PSPC1: variants seen among roughly 807,000 people sequenced by gnomAD.
The protein encoded by PSPC1 is paraspeckle protein 1.
PSPC1 carries 14 observed loss-of-function variants against 51.6 expected under a neutral mutation model. The observed-to-expected ratio is 0.27, with a 90% CI of 0.18 to 0.42. The LOEUF (loss-of-function observed/expected upper bound fraction) is 0.42. Among genes scored for constraint, PSPC1 ranks in the 10% least tolerant of loss-of-function variants. The pLI is 1.00. For synonymous variants in PSPC1, 193 were observed against 231.9 expected (o/e 0.83, Z 1.53); for missense variants, 406 against 701.1 (o/e 0.58, Z 4.75).
chr13:19,698,256 T>C (rs546407204), downstream of PSPC1, among the ~76,000 whole-genome samples: 14 of 151,770 alleles, frequency 9.2e-5, no homozygotes, highest in African/African-American at 3.4e-4. Context: ...CTTGGTGTAA[T>C]AAAGAGCTAG....
chr13:19,724,806 C>G (rs1457796120), intron 6 of PSPC1, among the ~76,000 whole-genome samples: 1 of 152,128 alleles, frequency 6.6e-6, no homozygotes, highest in Non-Finnish European at 1.5e-5. Context: ...CGAGACCATC[C>G]TGGCCAACAT....
intron 1 of PSPC1, among the ~76,000 whole-genome samples, chr13:19,773,185 T>C (rs1458224615): frequency 6.6e-6 from 1 of 150,842 alleles, no homozygotes; most frequent in Non-Finnish European, 1.5e-5. Flanking sequence ...AAAAAAACAA[T>C]AATAACTTGA....
At chr13:19,718,099 T>C (rs1187092005) in intron 6 of PSPC1, among the ~76,000 whole-genome samples, 2 of 152,182 alleles carry the variant, frequency 1.3e-5, no homozygotes, top group Admixed American at 6.5e-5. Context: ...TTTCTATTGA[T>C]ACAACTCAAT....
At chr13:19,702,163 A>C (rs1879985223), downstream of PSPC1, among the ~76,000 whole-genome samples, 1 of 152,226 alleles carries the variant, frequency 6.6e-6, no homozygotes, top group African/African-American at 2.4e-5. Flanking sequence ...AACCACTGCC[A>C]TTCCTTGGAG....
chr13:19,699,877 A>G (rs1296501818), downstream of PSPC1, among the ~76,000 whole-genome samples: 1 of 152,058 alleles, frequency 6.6e-6, no homozygotes, highest in East Asian at 1.9e-4. Context: ...CCTCAGAAAT[A>G]TATTTTAACA....
At chr13:19,730,722 T>C (rs1441386604) in intron 5 of PSPC1, among the ~76,000 whole-genome samples, 1 of 151,502 alleles carries the variant, frequency 6.6e-6, no homozygotes, top group Non-Finnish European at 1.5e-5. Flanking sequence ...CTTTGGGAGG[T>C]TGAGGCGAGT....
At chr13:19,671,772 T>C, downstream of PSPC1, 1 of 1,543,042 alleles carries the variant, frequency 6.5e-7, no homozygotes, top group Non-Finnish European at 8.9e-7. Context: ...TTGTGGGTTT[T>C]TTCTTGTAAG....
intron 7 of PSPC1, among the ~76,000 whole-genome samples, chr13:19,708,678 C>T (rs1239698117): frequency 6.6e-6 from 1 of 152,140 alleles, no homozygotes; most frequent in Non-Finnish European, 1.5e-5. Flanking sequence ...TTATAGACTA[C>T]AAACACTGAG....
chr13:19,779,423 T>G (rs1473960453), intron 1 of PSPC1, among the ~76,000 whole-genome samples: 10 of 43,452 alleles, frequency 2.3e-4, no homozygotes, highest in South Asian at 1.2e-3. Flanking sequence ...GTCCGGGAGG[T>G]GAGGGGCGCC....
chr13:19,674,000 A>AGAT (rs900888645), downstream of PSPC1, among the ~76,000 whole-genome samples: 1 of 152,242 alleles, frequency 6.6e-6, no homozygotes, highest in Non-Finnish European at 1.5e-5. Context: ...CTACGAAGTC[A>AGAT]GATGATATGG....
intron 6 of PSPC1, among the ~76,000 whole-genome samples, chr13:19,695,268 T>C (rs1313905271): frequency 1.3e-5 from 2 of 152,226 alleles, no homozygotes; most frequent in African/African-American, 4.8e-5. Flanking sequence ...CATGAACCCC[T>C]AGACTTTAGT....
chr13:19,760,103 G>A (rs1887473510), intron 2 of PSPC1, among the ~76,000 whole-genome samples: 1 of 152,090 alleles, frequency 6.6e-6, no homozygotes, highest in African/African-American at 2.4e-5. Context: ...ATACTTCTGA[G>A]ACATTTTTCT....
intron 6 of PSPC1, among the ~76,000 whole-genome samples, chr13:19,690,394 T>A (rs570336770): frequency 2.0e-4 from 30 of 152,370 alleles, no homozygotes; most frequent in East Asian, 1.2e-3. Flanking sequence ...CCTGACGAGT[T>A]GCTCCTAGCA....
intron 7 of PSPC1, among the ~76,000 whole-genome samples, chr13:19,676,710 G>C (rs1876674447): frequency 6.6e-6 from 1 of 152,076 alleles, no homozygotes; most frequent in Admixed American, 6.6e-5. Context: ...GTAGCAGCAA[G>C]AATAAGACAC....
At chr13:19,780,681 C>G (rs899763924) in intron 1 of PSPC1, among the ~76,000 whole-genome samples, 1 of 137,288 alleles carries the variant, frequency 7.3e-6, no homozygotes. Flanking sequence ...TGCGGAAGGC[C>G]GCAGGGTCCT....
intron 5 of PSPC1, among the ~76,000 whole-genome samples, chr13:19,739,774 G>C (rs1885236887): frequency 6.7e-6 from 1 of 148,542 alleles, no homozygotes; most frequent in Non-Finnish European, 1.5e-5. Flanking sequence ...AAGTAGAAGA[G>C]ATTTGAACAT....
At chr13:19,740,361 A>C (rs1234338642) in intron 5 of PSPC1, among the ~76,000 whole-genome samples, 1 of 152,056 alleles carries the variant, frequency 6.6e-6, no homozygotes, top group Non-Finnish European at 1.5e-5. Flanking sequence ...AAAAAGAATG[A>C]ATTGGGTAGA....
intron 2 of PSPC1, among the ~76,000 whole-genome samples, chr13:19,761,455 A>G (rs1887599281): frequency 1.3e-5 from 2 of 152,170 alleles, no homozygotes; most frequent in South Asian, 4.1e-4. Context: ...GTGATGCTTC[A>G]GAGAGAAAAA....
chr13:19,769,933 A>T (rs1347151119), intron 2 of PSPC1, among the ~76,000 whole-genome samples: 1 of 152,164 alleles, frequency 6.6e-6, no homozygotes, highest in East Asian at 1.9e-4. Context: ...ATATTTACCT[A>T]AGCCACATGA....
Sources: allele counts gnomAD v4.1 joint callset (sites outside exome capture counted in the v4.1 genomes callset), GRCh38; gene constraint gnomAD v4.1.1; transcripts MANE v1.5; gene names NCBI Gene and HGNC (gene_info 2026-07-23, HGNC 2026-07-21).